CFAP221: variants seen among roughly 807,000 people sequenced by gnomAD.
CFAP221 encodes the protein cilia and flagella associated protein 221.
CFAP221 carries 97 observed loss-of-function variants against 113.1 expected under a neutral mutation model. That is an observed-to-expected ratio of 0.86 (90% CI 0.73 to 1.02). CFAP221 has a LOEUF of 1.02. Ranked by LOEUF, CFAP221 falls within the 50% of genes least tolerant of loss-of-function variation. CFAP221 has a pLI of 0.00. For missense variants in CFAP221, 1,025 were observed against 1,013.4 expected, an observed-to-expected ratio of 1.01 and a Z score of -0.16; for synonymous variants, 331 against 354.4, an observed-to-expected ratio of 0.93 and a Z score of 0.74.
chr2:119,563,366 T>G (rs1214612540), intron 6 of CFAP221, among the ~76,000 whole-genome samples: 3 of 152,176 alleles, frequency 2.0e-5, no homozygotes, highest in African/African-American at 7.2e-5. Context: ...TTTTCATATA[T>G]TTTTGATCTG....
rs146499209 is a variant in CFAP221 at position 119,571,877 on chromosome 2, A to T, written c.527+9763A>T. On this transcript the variant is annotated intron_variant, in intron 6 of 23. Transcript: ENST00000413369. ...GAAGGGTATGTTTTCCCTTTCACAT[A>T]GAATCAATTGGGACAGAATTGTCAG... 8.3e-4 allele frequency among the ~76,000 whole-genome samples: 127 copies of T among 152,370 alleles called. 2 individuals carry two copies. The highest frequency in any genetic ancestry group is 2.9e-3 in the African/African-American group (119 of 41,598).
At chr2:119,639,532 G>T (rs1199430893) in intron 20 of CFAP221, among the ~76,000 whole-genome samples, 1 of 152,230 alleles carries the variant, frequency 6.6e-6, no homozygotes, top group African/African-American at 2.4e-5. Flanking sequence ...CCGAGGACAT[G>T]TTGCTTGTGC....
At chr2:119,568,686 C>T (rs571964005) in intron 6 of CFAP221, among the ~76,000 whole-genome samples, 2 of 152,288 alleles carry the variant, frequency 1.3e-5, no homozygotes, top group South Asian at 4.1e-4. Context: ...CTTTTTATGG[C>T]TGGATAGTAT....
chr2:119,655,610 G>A (rs956266189), intron 23 of CFAP221, among the ~76,000 whole-genome samples: 1 of 152,070 alleles, frequency 6.6e-6, no homozygotes, highest in Non-Finnish European at 1.5e-5. Context: ...AAGACATATG[G>A]CCTTTTAACC....
intron 3 of CFAP221, among the ~76,000 whole-genome samples, chr2:119,549,650 T>C (rs1680286648): frequency 6.6e-6 from 1 of 152,252 alleles, no homozygotes; most frequent in East Asian, 1.9e-4. Context: ...TCCAGTCCTG[T>C]AGCACCAGGA....
intron 6 of CFAP221, among the ~76,000 whole-genome samples, chr2:119,575,571 G>C (rs1682385688): frequency 6.6e-6 from 1 of 152,110 alleles, no homozygotes; most frequent in African/African-American, 2.4e-5. Flanking sequence ...TAAAATGGTG[G>C]TTGCCCGGGG....
chr2:119,611,864 G>A (rs748201221), intron 13 of CFAP221, 122 bp downstream of exon 13: 5 of 774,726 alleles, frequency 6.5e-6, no homozygotes, highest in South Asian at 1.7e-5. Flanking sequence ...TTTTTAATTT[G>A]CATACATTTT....
chr2:119,608,074 G>A (rs1036884506), intron 11 of CFAP221, among the ~76,000 whole-genome samples: 5 of 152,224 alleles, frequency 3.3e-5, no homozygotes, highest in African/African-American at 1.2e-4. Context: ...AACTTTTTGT[G>A]GTGCCACCAA....
intron 20 of CFAP221, among the ~76,000 whole-genome samples, chr2:119,639,149 C>A (rs1484329579): frequency 2.6e-5 from 4 of 152,186 alleles, no homozygotes; most frequent in Non-Finnish European, 5.9e-5. Flanking sequence ...TAGCCCTTGG[C>A]CCACTGCTGC....
intron 23 of CFAP221, among the ~76,000 whole-genome samples, chr2:119,652,412 A>T (rs142679791): frequency 4.5e-4 from 68 of 152,360 alleles, no homozygotes; most frequent in African/African-American, 1.5e-3. Context: ...GTTTGTACAT[A>T]GAAAATCTCA....
chr2:119,634,507 ATAT>A (rs1465171541), intron 19 of CFAP221, among the ~76,000 whole-genome samples: 1 of 152,170 alleles, frequency 6.6e-6, no homozygotes, highest in African/African-American at 2.4e-5. Context: ...TATCAAAGAG[ATAT>A]TAGCACTCCT....
intron 14 of CFAP221, among the ~76,000 whole-genome samples, chr2:119,622,568 AAG>A (rs1686007382): frequency 6.6e-6 from 1 of 152,196 alleles, no homozygotes; most frequent in South Asian, 2.1e-4. Flanking sequence ...ACAACAAAAA[AAG>A]AAAATTTCAG....
chr2:119,637,452 AG>A, intron 19 of CFAP221, among the ~76,000 whole-genome samples: 1 of 152,302 alleles, frequency 6.6e-6, no homozygotes, highest in East Asian at 1.9e-4. Flanking sequence ...AGTTTCCATA[AG>A]CTAAGTGGTT....
At chr2:119,648,275 A>G (rs187008404) in intron 22 of CFAP221, among the ~76,000 whole-genome samples, 11 of 152,370 alleles carry the variant, frequency 7.2e-5, no homozygotes, top group Admixed American at 6.5e-4. Flanking sequence ...TTATGAGAAA[A>G]TAAGCATAAG....
chr2:119,606,443 C>A (rs1315074392), intron 11 of CFAP221, among the ~76,000 whole-genome samples: 1 of 152,166 alleles, frequency 6.6e-6, no homozygotes, highest in African/African-American at 2.4e-5. Flanking sequence ...GGCTGCTCCC[C>A]TGTCTCTGGG....
chr2:119,572,785 C>T, intron 6 of CFAP221: 2 of 536,000 alleles, frequency 3.7e-6, no homozygotes, highest in Non-Finnish European at 6.7e-6. Flanking sequence ...GGCAAGGCCG[C>T]CATGGGCTCC....
At chr2:119,609,485 A>C (rs1574123857) in intron 12 of CFAP221, among the ~76,000 whole-genome samples, 1 of 151,434 alleles carries the variant, frequency 6.6e-6, no homozygotes, top group Non-Finnish European at 1.5e-5. Context: ...TCCATTCCAG[A>C]CCTCTCTCCT....
At chr2:119,571,776 T>TA (rs1422290647) in intron 6 of CFAP221, among the ~76,000 whole-genome samples, 1 of 152,156 alleles carries the variant, frequency 6.6e-6, no homozygotes, top group Non-Finnish European at 1.5e-5. Context: ...ACTTCACAGC[T>TA]AAAAAAGAAA....
intron 22 of CFAP221, among the ~76,000 whole-genome samples, chr2:119,648,149 A>T (rs1397765345): frequency 6.6e-6 from 1 of 152,354 alleles, no homozygotes; most frequent in Non-Finnish European, 1.5e-5. Flanking sequence ...GGTTTTGATA[A>T]TTAGATATAC....
Sources: allele counts gnomAD v4.1 joint callset (sites outside exome capture counted in the v4.1 genomes callset), GRCh38; gene constraint gnomAD v4.1.1; transcripts MANE v1.5; gene names NCBI Gene and HGNC (gene_info 2026-07-23, HGNC 2026-07-21).